Variants in ANK3 observed in about 807,000 individuals in gnomAD.
ANK3 encodes ankyrin 3.
In ANK3, 57 loss-of-function variants were observed where a neutral mutation model predicts 370.9. That is an observed-to-expected ratio of 0.15 (90% CI 0.12 to 0.19). ANK3 has a LOEUF of 0.19. Among genes scored for constraint, ANK3 ranks in the 10% least tolerant of loss-of-function variants. The probability of loss-of-function intolerance (pLI) is 1.00; values close to 1 mark genes in which losing one functional copy is unlikely to be tolerated. For synonymous variants in ANK3, 1,929 were observed against 1,946.3 expected, an observed-to-expected ratio of 0.99 and a Z score of 0.23; for missense variants, 4,439 against 5,302.1, an observed-to-expected ratio of 0.84 and a Z score of 5.06.
At chr10:60,161,940 T>C (rs1196401288) in intron 23 of ANK3, among the ~76,000 whole-genome samples, 1 of 152,192 alleles carries the variant, frequency 6.6e-6, no homozygotes. Context: ...AAATGATCAA[T>C]GCTTGAGGTG....
intron 2 of ANK3, among the ~76,000 whole-genome samples, chr10:60,407,559 C>T (rs1022353585): frequency 1.3e-5 from 2 of 152,110 alleles, no homozygotes; most frequent in African/African-American, 4.8e-5. Flanking sequence ...GTATTATGTG[C>T]CAAGCACTGT....
intron 8 of ANK3, among the ~76,000 whole-genome samples, chr10:60,214,477 T>C (rs920004006): frequency 3.9e-5 from 6 of 152,036 alleles, no homozygotes; most frequent in Non-Finnish European, 7.4e-5. Context: ...TGGTTTGCTG[T>C]ACCTATTGAC....
At chr10:60,157,182 C>T (rs2095357347) in intron 23 of ANK3, among the ~76,000 whole-genome samples, 1 of 151,724 alleles carries the variant, frequency 6.6e-6, no homozygotes, top group African/African-American at 2.4e-5. Flanking sequence ...GGATTACAGG[C>T]ACGTGCCACC....
In ANK3 at chr10:60,389,718, A is replaced by C; in HGVS notation, c.-180T>G. 1 of 1,434,542 alleles carries C rather than the reference A, an allele frequency of 7.0e-7. No homozygotes were observed. Among genetic ancestry groups the C allele is most frequent in the East Asian group, 2.5e-5 (1 of 39,704 alleles). 88.9% of individuals were successfully genotyped at this position (1,434,542 alleles called of 1,614,324 possible). A position where few individuals can be genotyped will look rare whatever the true frequency, so the allele number is the denominator to read the frequency against. Reference sequence around the variant, plus strand: ...AGAAGCTGAAGCTTTTAAAAACCCAAATGATGGTGTCCGGACTTCATCCTA... The same window carrying C: ...AGAAGCTGAAGCTTTTAAAAACCCACATGATGGTGTCCGGACTTCATCCTA... On this transcript the variant is annotated 5_prime_UTR_variant, in exon 1 of 44. It adds an upstream start codon to the 5' untranslated region. Coordinates refer to ENST00000280772, the MANE Select transcript of ANK3 (RefSeq NM_020987.5).
chr10:60,290,892 T>G (rs2041214398), intron 1 of ANK3, among the ~76,000 whole-genome samples: 1 of 152,190 alleles, frequency 6.6e-6, no homozygotes. Context: ...TTTGTTTTTG[T>G]AAAGGCAGTG....
At chr10:60,115,338 G>A (rs1260312415) in intron 25 of ANK3, among the ~76,000 whole-genome samples, 2 of 152,110 alleles carry the variant, frequency 1.3e-5, no homozygotes, top group Admixed American at 6.5e-5. Flanking sequence ...GCAGAGGGAG[G>A]GCAAACATTC....
chr10:60,208,827 A>C (rs2096803294), intron 9 of ANK3, among the ~76,000 whole-genome samples: 1 of 152,218 alleles, frequency 6.6e-6, no homozygotes, highest in Admixed American at 6.5e-5. Flanking sequence ...ATCTCACATC[A>C]AAGAAGAAAG....
At chr10:60,285,918 C>T (rs555699424) in intron 1 of ANK3, among the ~76,000 whole-genome samples, 1 of 152,260 alleles carries the variant, frequency 6.6e-6, no homozygotes, top group East Asian at 1.9e-4. Flanking sequence ...TCTCTGATTA[C>T]CTTTTTTTCT....
At chr10:60,731,692 G>C (rs755471920) in intron 1 of ANK3, among the ~76,000 whole-genome samples, 20 of 152,152 alleles carry the variant, frequency 1.3e-4, no homozygotes, top group Non-Finnish European at 1.9e-4. Flanking sequence ...GCACCGGTTT[G>C]AGCCCAGGTC....
chr10:60,498,532 G>A (rs1049182694), intron 2 of ANK3, among the ~76,000 whole-genome samples: 21 of 152,110 alleles, frequency 1.4e-4, no homozygotes, highest in Admixed American at 1.4e-3. Flanking sequence ...GGCACCACAA[G>A]TGTGCATCAC....
chr10:60,615,987 C>T (rs1244235323), intron 1 of ANK3, among the ~76,000 whole-genome samples: 3 of 152,086 alleles, frequency 2.0e-5, no homozygotes, highest in Non-Finnish European at 4.4e-5. Context: ...AGTTTAAATA[C>T]GTAGAATGTA....
chr10:60,584,211 GGTT>G (rs1202933051), intron 2 of ANK3, among the ~76,000 whole-genome samples: 1 of 152,130 alleles, frequency 6.6e-6, no homozygotes, highest in Non-Finnish European at 1.5e-5. Flanking sequence ...CCAATTACTT[GGTT>G]GTTTTTAAGC....
chr10:60,435,953 G>C (rs1239549773), intron 2 of ANK3, among the ~76,000 whole-genome samples: 1 of 152,194 alleles, frequency 6.6e-6, no homozygotes, highest in Middle Eastern at 3.2e-3. Context: ...CGGGCGCAGT[G>C]GCAGGCGCCT....
At chr10:60,556,484 G>C (rs2077209651) in intron 2 of ANK3, among the ~76,000 whole-genome samples, 1 of 152,102 alleles carries the variant, frequency 6.6e-6, no homozygotes, top group Non-Finnish European at 1.5e-5. Context: ...TGTCTCCAGT[G>C]CTCTGGAATG....
intron 2 of ANK3, among the ~76,000 whole-genome samples, chr10:60,534,775 A>G (rs2076685727): frequency 6.6e-6 from 1 of 152,162 alleles, no homozygotes; most frequent in African/African-American, 2.4e-5. Context: ...TTAAAATGGC[A>G]ATTTTCTATT....
intron 1 of ANK3, among the ~76,000 whole-genome samples, chr10:60,720,938 T>C (rs184749050): frequency 2.0e-5 from 3 of 152,312 alleles, no homozygotes; most frequent in Admixed American, 6.5e-5. Flanking sequence ...GTGACCTTAA[T>C]ACTGTCCCAC....
At chr10:60,136,802 G>T (rs1274577388) in intron 24 of ANK3, among the ~76,000 whole-genome samples, 1 of 152,058 alleles carries the variant, frequency 6.6e-6, no homozygotes, top group East Asian at 1.9e-4. Context: ...GTTTCACTCG[G>T]AATCCTTAAT....
At chr10:60,453,710 C>T (rs1217880506) in intron 2 of ANK3, among the ~76,000 whole-genome samples, 1 of 152,046 alleles carries the variant, frequency 6.6e-6, no homozygotes, top group East Asian at 1.9e-4. Flanking sequence ...GAAACAGCCT[C>T]TCTCTCTAAA....
chr10:60,165,232 T>G (rs544997401), intron 23 of ANK3, among the ~76,000 whole-genome samples: 1 of 152,346 alleles, frequency 6.6e-6, no homozygotes, highest in Admixed American at 6.5e-5. Context: ...TGTAAACATC[T>G]ATGTAAGAAT....
Sources: gnomAD v4.1 joint callset for allele counts (sites outside exome capture counted in the v4.1 genomes callset) on GRCh38, gnomAD v4.1.1 for gene constraint, MANE v1.5 for transcripts, NCBI Gene and HGNC (gene_info 2026-07-23, HGNC 2026-07-21) for gene names.